Variants in UIMC1 observed in about 807,000 individuals in gnomAD.
UIMC1 encodes ubiquitin interaction motif containing 1.
Under a neutral mutation model 84.9 loss-of-function variants are expected in UIMC1, and 42 were observed. The ratio of observed to expected loss-of-function variants is 0.49; its 90% CI spans 0.39 to 0.64. UIMC1 has a LOEUF of 0.64. UIMC1 is among the 30% of genes least tolerant of loss of function. The pLI is 0.00. For synonymous variants in UIMC1, 281 were observed against 293.0 expected (o/e 0.96, Z 0.42); for missense variants, 825 against 847.6 (o/e 0.97, Z 0.33).
intron 1 of UIMC1, among the ~76,000 whole-genome samples, chr5:177,013,184 C>T (rs62397206): frequency 0.13 from 20,037 of 151,830 alleles, 1,681 homozygotes; most frequent in East Asian, 0.19. Flanking sequence ...CCAGCCTGGC[C>T]CACATGGCTC....
intron 8 of UIMC1, among the ~76,000 whole-genome samples, chr5:176,953,161 T>C (rs1766111515): frequency 6.6e-6 from 1 of 152,186 alleles, no homozygotes; most frequent in African/African-American, 2.4e-5. Flanking sequence ...TGCCAACTCC[T>C]TGATCTTGGA....
intron 8 of UIMC1, among the ~76,000 whole-genome samples, chr5:176,952,065 A>G (rs1765954648): frequency 6.6e-6 from 1 of 152,238 alleles, no homozygotes; most frequent in African/African-American, 2.4e-5. Context: ...ATGTCGTCAC[A>G]TAATATCAAT....
At chr5:176,948,456 AG>A (rs1765415161) in intron 9 of UIMC1, among the ~76,000 whole-genome samples, 1 of 152,248 alleles carries the variant, frequency 6.6e-6, no homozygotes, top group Non-Finnish European at 1.5e-5. Flanking sequence ...AGAGTAAAAT[AG>A]GTATTTCTGC....
chr5:176,968,658 G>C lies in UIMC1; in HGVS notation c.1097C>G (p.Ala366Gly). The change falls in exon 6 of 15, where the codon GCA becomes GGA. Residue 366 changes from alanine (A) to glycine (G), a missense_variant. Transcript: ENST00000511320. The part of the protein sequence containing the change: ...EDKEERQESR[A>G]SDWHSKTKDF... ...CTTGGTTTTTGAGTGCCAGTCAGAT[G>C]CCCTAGACTCCTGCCTCTCCTCTTT... 6.2e-7 allele frequency: 1 copy of C among 1,614,082 alleles called. No homozygotes were observed. Among genetic ancestry groups the C allele is most frequent in the Non-Finnish European group, 8.5e-7 (1 of 1,180,034 alleles).
At chr5:177,017,823 T>G (rs967179284) in intron 1 of UIMC1, among the ~76,000 whole-genome samples, 3 of 151,846 alleles carry the variant, frequency 2.0e-5, no homozygotes, top group Non-Finnish European at 4.4e-5. Context: ...CAGCTAATTT[T>G]TTTAATTTTG....
intron 10 of UIMC1, among the ~76,000 whole-genome samples, chr5:176,936,302 G>T (rs1372841154): frequency 6.6e-6 from 1 of 152,214 alleles, no homozygotes; most frequent in African/African-American, 2.4e-5. Flanking sequence ...GATCCTGAAA[G>T]AGATAACTTG....
chr5:176,912,082 A>T (rs572464712), intron 10 of UIMC1, among the ~76,000 whole-genome samples: 75 of 152,270 alleles, frequency 4.9e-4, no homozygotes, highest in African/African-American at 1.8e-3. Context: ...TTCACTTCAA[A>T]CTCTGCCTTC....
In UIMC1 at chr5:176,949,745, A is replaced by T. The variant is rs535115266; in HGVS notation, c.1443+1729T>A. On this transcript the variant is annotated intron_variant, in intron 9 of 14. Transcript: ENST00000511320. ...GCGCAGAGACCAGGGAGAGGATCTA[A>T]CTTCTATTGTAAAAACTTTTTTAAA... 2.6e-5 allele frequency among the ~76,000 whole-genome samples: 4 copies of T among 152,308 alleles called. No individual in the cohort carries two copies. In the South Asian group the frequency reaches 8.3e-4, roughly 32 times the overall value.
At chr5:176,979,552 G>A (rs182876164) in intron 2 of UIMC1, among the ~76,000 whole-genome samples, 5 of 150,966 alleles carry the variant, frequency 3.3e-5, no homozygotes, top group Middle Eastern at 6.8e-3. Context: ...GCAGTGAGCC[G>A]AGATTGCACC....
intron 1 of UIMC1, among the ~76,000 whole-genome samples, chr5:177,013,530 C>T (rs774001626): frequency 1.2e-4 from 18 of 152,182 alleles, no homozygotes; most frequent in Non-Finnish European, 2.1e-4. Context: ...TTATTATGTT[C>T]TTCAGATGCT....
chr5:176,936,288 A>G (rs577072697), intron 10 of UIMC1, among the ~76,000 whole-genome samples: 6 of 152,368 alleles, frequency 3.9e-5, no homozygotes, highest in Non-Finnish European at 7.3e-5. Context: ...CAAATGAGGA[A>G]CCTGATCCTG....
rs546554102 is a variant in UIMC1 at position 176,928,135 on chromosome 5, C to T, written c.1597+15200G>A. Among the ~76,000 whole-genome samples, 4 of 152,266 alleles carry T rather than the reference C, an allele frequency of 2.6e-5. No homozygotes were observed. In the East Asian group the frequency reaches 7.7e-4, roughly 29 times the overall value. On this transcript the variant is annotated intron_variant, in intron 10 of 14. Transcript: ENST00000511320. ...CTAGGATTATAGGCTTGAGGTACCACGCTCAGCCTAGCTTTTTTTATAAAT... is the reference window on the plus strand; with the variant it reads ...CTAGGATTATAGGCTTGAGGTACCATGCTCAGCCTAGCTTTTTTTATAAAT...
At chr5:177,001,486 G>T (rs962298459) in intron 1 of UIMC1, 2 of 151,870 alleles carry the variant, frequency 1.3e-5, no homozygotes, top group East Asian at 1.9e-4. Flanking sequence ...CTAGGTTGTT[G>T]TTTTTTTTCT....
Position 176,997,241 on chromosome 5 carries a change from A to G in UIMC1, c.-9+9409T>C, listed in dbSNP as rs541062637. On this transcript the variant is annotated intron_variant, in intron 1 of 14. Transcript: ENST00000511320. ...CTCTCCATTTCTTTTCATTTTCACC[A>G]CTATCACCATCCAAGCTACCAACAA... Among the ~76,000 whole-genome samples, 6 of 151,948 alleles carry G rather than the reference A, an allele frequency of 3.9e-5. No individual in the cohort carries two copies. The East Asian group carries it at 1.2e-3, about 29-fold the overall frequency.
intron 8 of UIMC1, 72 bp from the exon 9 acceptor site, chr5:176,951,649 C>T (rs1407582454): frequency 3.8e-5 from 42 of 1,099,706 alleles, no homozygotes; most frequent in African/African-American, 4.9e-5. Context: ...ACAAACATGC[C>T]TATTTTCACC....
rs1760196944 is a variant in UIMC1, at chr5:176,911,404, A to AT, written c.1598-16_1598-15insA. On this transcript the variant is annotated splice_polypyrimidine_tract_variant and intron_variant, in intron 10 of 14. Transcript: ENST00000511320. ...CCGAGTCAATACTTTTAATATAAAA[A>AT]ATATATATATATACACATAGTTAGC... 2 of 1,520,220 alleles carry AT rather than the reference A, an allele frequency of 1.3e-6. No individual in the cohort carries two copies. Among genetic ancestry groups the AT allele is most frequent in the Non-Finnish European group, 1.8e-6 (2 of 1,127,992 alleles). The allele number at this position is 1,520,220 out of a possible 1,614,324, so 94.2% of individuals were successfully genotyped here.
chr5:176,969,918 AGGCAAAT>A, intron 4 of UIMC1: 1 of 484,060 alleles, frequency 2.1e-6, no homozygotes. Context: ...TAAAACAGGG[AGGCAAAT>A]GGCATAAAAA....
rs566745092 is a variant in UIMC1, at chr5:176,969,485, CTTCT to C, written c.463+112_463+115del. The C allele has an allele frequency of 2.1e-3, 2,671 of 1,300,298 alleles. 9 individuals are homozygous for C. The highest frequency in any genetic ancestry group is 2.6e-3 in the Non-Finnish European group (2,446 of 942,930). The allele number at this position is 1,300,298 out of a possible 1,614,324, so 80.5% of individuals were successfully genotyped here. On this transcript the variant is annotated intron_variant, in intron 5 of 14. Transcript: ENST00000511320. ...TGATCTCAACTACTTCCTGATTTAA[CTTCT>C]TTATTATCACCAAAAGGATCTGGGG...
At chr5:176,923,147 G>A (rs1156609686) in intron 10 of UIMC1, among the ~76,000 whole-genome samples, 1 of 152,222 alleles carries the variant, frequency 6.6e-6, no homozygotes, top group Non-Finnish European at 1.5e-5. Context: ...AATCACGTAA[G>A]ATGTTTGAGT....
Sources: allele counts gnomAD v4.1 joint callset (sites outside exome capture counted in the v4.1 genomes callset), GRCh38; gene constraint gnomAD v4.1.1; transcripts MANE v1.5; gene names NCBI Gene and HGNC (gene_info 2026-07-23, HGNC 2026-07-21).